TDRD9: variants seen among roughly 807,000 people sequenced by gnomAD.
TDRD9 encodes the protein ATP-dependent RNA helicase TDRD9.
In TDRD9, 124 loss-of-function variants were observed where a neutral mutation model predicts 172.6. The ratio of observed to expected loss-of-function variants is 0.72; its 90% CI spans 0.62 to 0.83. The LOEUF (loss-of-function observed/expected upper bound fraction) is 0.83. Ranked by LOEUF, TDRD9 falls within the 40% of genes least tolerant of loss-of-function variation. The pLI, the probability that TDRD9 is intolerant of heterozygous loss-of-function variation, is 0.00. For synonymous variants in TDRD9, 619 were observed against 617.1 expected (o/e 1.00, Z -0.05); for missense variants, 1,479 against 1,714.1 (o/e 0.86, Z 2.42).
chr14:104,001,669 C>T (rs1008620973), intron 13 of TDRD9, among the ~76,000 whole-genome samples: 2 of 152,126 alleles, frequency 1.3e-5, no homozygotes, highest in Admixed American at 1.3e-4. Context: ...AGTGCAACGA[C>T]GTGATCTCGG....
In TDRD9 at chr14:104,026,056, G is replaced by C. The variant is rs1171926269; in HGVS notation, c.2941G>C (p.Val981Leu). Residue 981 changes from valine to leucine, a missense_variant, in exon 27 of 36, where the codon GTA (valine) becomes CTA (leucine). Transcript: ENST00000409874. ...VSGNSAEVFF[V>L]DYGNKSHVDL... ...TTGCTTTATTTTCTAGGTATTCTTT[G>C]TAGATTATGGCAATAAGTCTCATGT... is the stretch of plus-strand genomic sequence containing the variant. 1.2e-6 allele frequency: 2 copies of C among 1,605,682 alleles called. No homozygotes were observed. Among genetic ancestry groups the C allele is most frequent in the Admixed American group, 3.3e-5 (2 of 59,978 alleles).
intron 28 of TDRD9, among the ~76,000 whole-genome samples, chr14:104,030,339 A>G (rs1180488278): frequency 2.0e-5 from 3 of 152,120 alleles, no homozygotes; most frequent in Non-Finnish European, 2.9e-5. Flanking sequence ...CTAAAAATAC[A>G]AAATTAGCTG....
At chr14:103,995,633 C>T in intron 11 of TDRD9, 117 bp from the exon 12 acceptor site, 1 of 892,530 alleles carries the variant, frequency 1.1e-6, no homozygotes, top group Non-Finnish European at 1.6e-6. Flanking sequence ...ATTTTGAAAC[C>T]TGAGTTCAGT....
chr14:104,049,726 AG>A, intron 35 of TDRD9, 46 bp downstream of exon 35: 1 of 1,499,842 alleles, frequency 6.7e-7, no homozygotes, highest in Non-Finnish European at 9.1e-7. Flanking sequence ...CACGTGGAGG[AG>A]GGGACAGGCC....
chr14:104,025,695 C>T lies in TDRD9; in HGVS notation c.2850C>T (p.Val950=). ...PLPTHPHPDL[V]CLAPFADFDK... is the part of the protein sequence containing the mutation. ...CCACTCACCCACATCCAGACTTGGT[C>T]TGTCTGGCACCTTTTGCTGATTTTG... Residue 950 remains valine, a synonymous_variant, in exon 26 of 36, where the codon GTC becomes GTT. Coordinates refer to ENST00000409874, the MANE Select transcript of TDRD9 (RefSeq NM_153046.3). The T allele has an allele frequency of 6.2e-7, 1 of 1,613,962 alleles. No individual in the cohort carries two copies. Among genetic ancestry groups the T allele is most frequent in the Non-Finnish European group, 8.5e-7 (1 of 1,179,856 alleles).
intron 1 of TDRD9, chr14:103,939,676 GGTTTTTTTTTT>G (rs2031054807): frequency 3.9e-4 from 14 of 36,322 alleles, no homozygotes; most frequent in Admixed American, 3.8e-3. Context: ...AAGTTAGGAG[GGTTTTTTTTTT>G]TTTTTTTTTT....
intron 3 of TDRD9, among the ~76,000 whole-genome samples, chr14:103,963,705 C>T (rs28505294): frequency 0.43 from 65,652 of 152,006 alleles, 14,410 homozygotes; most frequent in Admixed American, 0.51. Flanking sequence ...TATTAAGCAT[C>T]GTTAAGAGTA....
chr14:103,947,309 G>T (rs1239114020), intron 1 of TDRD9, among the ~76,000 whole-genome samples: 1 of 151,488 alleles, frequency 6.6e-6, no homozygotes, highest in African/African-American at 2.4e-5. Context: ...TTGTTTGTTT[G>T]TTTTGTTTTT....
chr14:103,962,030 C>T (rs1266054065), intron 2 of TDRD9, among the ~76,000 whole-genome samples: 1 of 152,134 alleles, frequency 6.6e-6, no homozygotes, highest in Non-Finnish European at 1.5e-5. Flanking sequence ...AAAAGTTTGT[C>T]TTCCGTGAGT....
rs2034785095 is a variant in TDRD9 at position 104,016,138 on chromosome 14, A to G, written c.2331+50A>G. 12 of 1,267,082 alleles carry G rather than the reference A, an allele frequency of 9.5e-6. 1 individual carries two copies. The South Asian group carries it at 1.2e-4, about 13-fold the overall frequency. The allele number at this position is 1,267,082 out of a possible 1,614,324, so 78.5% of individuals were successfully genotyped here. ...TCTCTGGGGTGTGGTGGGGCAGAAC[A>G]TTTTTGTTCTCTAATTGTTTCTATT... is the stretch of plus-strand genomic sequence containing the variant. On this transcript the variant is annotated intron_variant, in intron 22 of 35. Transcript: ENST00000409874.
At chr14:103,968,208 G>A (rs2032838444) in intron 5 of TDRD9, among the ~76,000 whole-genome samples, 1 of 152,258 alleles carries the variant, frequency 6.6e-6, no homozygotes, top group Non-Finnish European at 1.5e-5. Flanking sequence ...TCGAGAGCTT[G>A]CCCTACTGGG....
At chr14:104,023,043 G>T (rs1243962270) in intron 24 of TDRD9, among the ~76,000 whole-genome samples, 2 of 151,820 alleles carry the variant, frequency 1.3e-5, no homozygotes, top group African/African-American at 4.8e-5. Context: ...TTAGCCGGGT[G>T]TGGTGGCGGG....
rs79361736 is a variant in TDRD9 at position 103,984,387 on chromosome 14, G to A, written c.1012-1830G>A. On this transcript the variant is annotated intron_variant, in intron 7 of 35. Transcript: ENST00000409874. ...TTCGTGGGCCAGGCTTAGGGCCCCC[G>A]TGCTGTGTGCAGCCTAGGGACTTGG... Among the ~76,000 whole-genome samples the A allele has an allele frequency of 2.1e-3, 318 of 152,304 alleles. 1 individual carries two copies. The highest frequency in any genetic ancestry group is 7.0e-3 in the African/African-American group (291 of 41,584).
At chr14:103,957,132 T>C (rs1490686101) in intron 2 of TDRD9, among the ~76,000 whole-genome samples, 1 of 152,224 alleles carries the variant, frequency 6.6e-6, no homozygotes, top group Non-Finnish European at 1.5e-5. Flanking sequence ...TTTTAATTAG[T>C]CTAGGAAAAT....
At chr14:104,032,667 C>G (rs1418966432) in intron 30 of TDRD9, among the ~76,000 whole-genome samples, 4 of 152,174 alleles carry the variant, frequency 2.6e-5, no homozygotes, top group Admixed American at 2.6e-4. Context: ...TTCAGCAAAG[C>G]TGTGAGAGCC....
At chr14:104,039,214 A>T (rs1169400566) in intron 32 of TDRD9, among the ~76,000 whole-genome samples, 1 of 152,206 alleles carries the variant, frequency 6.6e-6, no homozygotes, top group African/African-American at 2.4e-5. Flanking sequence ...TTCACTCACC[A>T]TCACGAGAAC....
intron 20 of TDRD9, 90 bp downstream of exon 20, chr14:104,008,556 G>A (rs560823264): frequency 2.5e-6 from 2 of 816,098 alleles, no homozygotes; most frequent in African/African-American, 1.7e-5. Context: ...AAGTACGTGG[G>A]TAGTAATGAG....
intron 1 of TDRD9, among the ~76,000 whole-genome samples, chr14:103,932,977 C>T (rs1009930967): frequency 3.3e-5 from 5 of 152,098 alleles, no homozygotes; most frequent in African/African-American, 1.2e-4. Context: ...GTGTGGGCGC[C>T]TGTGGGTCCC....
Position 103,974,943 on chromosome 14 carries a change from TA to T in TDRD9, c.847-445del, listed in dbSNP as rs1168630552. On this transcript the variant is annotated intron_variant, in intron 6 of 35. Transcript: ENST00000409874. ...AAAATTTATTTTTAATTAATTAATTTATTTTTTTGTAGAGACAGTGGTCTCA... is the reference window on the plus strand; with the variant it reads ...AAAATTTATTTTTAATTAATTAATTTTTTTTTTGTAGAGACAGTGGTCTCA... Among the ~76,000 whole-genome samples, 4 of 152,082 alleles carry T rather than the reference TA, an allele frequency of 2.6e-5. No homozygotes were observed. The East Asian group carries it at 5.8e-4, about 22-fold the overall frequency.
Sources: gnomAD v4.1 joint callset for allele counts (sites outside exome capture counted in the v4.1 genomes callset) on GRCh38, gnomAD v4.1.1 for gene constraint, MANE v1.5 for transcripts, NCBI Gene and HGNC (gene_info 2026-07-23, HGNC 2026-07-21) for gene names.